The following NCAM2 variants were observed in gnomAD, a reference collection of about 807,000 sequenced individuals.
NCAM2 encodes the protein neural cell adhesion molecule 2.
NCAM2 carries 30 observed loss-of-function variants against 98.1 expected under a neutral mutation model. The ratio of observed to expected loss-of-function variants is 0.31; its 90% CI spans 0.23 to 0.41. The LOEUF (loss-of-function observed/expected upper bound fraction) is 0.41, where lower values mean the gene tolerates loss of function less well. NCAM2 is among the 10% of genes least tolerant of loss of function. The pLI, the probability that NCAM2 is intolerant of heterozygous loss-of-function variation, is 1.00. For synonymous variants in NCAM2, 368 were observed against 342.4 expected (o/e 1.07, Z -0.83); for missense variants, 867 against 1,005.8 (o/e 0.86, Z 1.87).
At chr21:21,453,484 A>G (rs1243363127) in intron 12 of NCAM2, among the ~76,000 whole-genome samples, 1 of 152,098 alleles carries the variant, frequency 6.6e-6, no homozygotes, top group African/African-American at 2.4e-5. Context: ...AAGACTTTGC[A>G]TTTTATTCTT....
intron 1 of NCAM2, among the ~76,000 whole-genome samples, chr21:21,053,077 CAATT>C (rs1185000257): frequency 5.3e-5 from 8 of 151,592 alleles, no homozygotes; most frequent in East Asian, 3.9e-4. Context: ...AAAGCAAAAA[CAATT>C]AATTGCTGGT....
At chr21:21,105,423 G>C (rs1252303416) in intron 1 of NCAM2, among the ~76,000 whole-genome samples, 1 of 152,090 alleles carries the variant, frequency 6.6e-6, no homozygotes, top group Non-Finnish European at 1.5e-5. Context: ...ATGAGACATT[G>C]ATTAGAGTAG....
intron 8 of NCAM2, among the ~76,000 whole-genome samples, chr21:21,363,426 ATAC>A (rs2075699105): frequency 6.6e-6 from 1 of 152,154 alleles, no homozygotes; most frequent in Admixed American, 6.6e-5. Flanking sequence ...TGTACTATAA[ATAC>A]TCAACACTTT....
At chr21:21,275,393 T>TCA (rs2072689518) in intron 1 of NCAM2, among the ~76,000 whole-genome samples, 2 of 151,566 alleles carry the variant, frequency 1.3e-5, no homozygotes, top group South Asian at 4.2e-4. Context: ...TGAGCTGAGA[T>TCA]CATGCCACTG....
intron 1 of NCAM2, among the ~76,000 whole-genome samples, chr21:21,069,166 C>T (rs1056206507): frequency 6.6e-6 from 1 of 152,020 alleles, no homozygotes; most frequent in Non-Finnish European, 1.5e-5. Context: ...TGTTATGTCC[C>T]CATGTAAAAA....
intron 9 of NCAM2, among the ~76,000 whole-genome samples, chr21:21,375,660 G>A (rs1008379809): frequency 1.3e-5 from 2 of 150,050 alleles, no homozygotes; most frequent in South Asian, 4.2e-4. Flanking sequence ...CAGTACATTT[G>A]TTATATTTTT....
At chr21:21,479,482 G>A (rs1985585407) in intron 15 of NCAM2, among the ~76,000 whole-genome samples, 1 of 150,414 alleles carries the variant, frequency 6.6e-6, no homozygotes, top group Admixed American at 6.7e-5. Context: ...TACTCTAGAG[G>A]TTGAGACAGG....
At chr21:21,535,013 A>G (rs1012706218) in intron 17 of NCAM2, among the ~76,000 whole-genome samples, 4 of 152,170 alleles carry the variant, frequency 2.6e-5, no homozygotes, top group Non-Finnish European at 4.4e-5. Context: ...AAATAAGGAC[A>G]TGTTAGGAAA....
At chr21:21,110,590 G>A (rs1352949336) in intron 1 of NCAM2, among the ~76,000 whole-genome samples, 2 of 150,400 alleles carry the variant, frequency 1.3e-5, no homozygotes, top group Non-Finnish European at 3.0e-5. Context: ...ACTCATACAA[G>A]GCATTCCCTG....
chr21:21,481,537 T>C (rs1602468684), intron 15 of NCAM2, among the ~76,000 whole-genome samples: 1 of 152,278 alleles, frequency 6.6e-6, no homozygotes, highest in Non-Finnish European at 1.5e-5. Context: ...TTAGGGAGTT[T>C]AGACTCCATA....
intron 16 of NCAM2, 66 bp from the exon 17 acceptor site, chr21:21,534,471 T>A: frequency 1.5e-6 from 2 of 1,318,192 alleles, no homozygotes; most frequent in Non-Finnish European, 2.0e-6. Context: ...TTTTAAACTC[T>A]GTTTTTTTCC....
chr21:21,102,517 C>T (rs2066264221), intron 1 of NCAM2, among the ~76,000 whole-genome samples: 2 of 151,874 alleles, frequency 1.3e-5, no homozygotes, highest in Admixed American at 1.3e-4. Context: ...TGGCACTTAA[C>T]TAATAACTCA....
chr21:21,424,804 G>A (rs1021768582), intron 11 of NCAM2, among the ~76,000 whole-genome samples: 2 of 151,920 alleles, frequency 1.3e-5, no homozygotes, highest in Non-Finnish European at 2.9e-5. Flanking sequence ...AGCCGAGGCG[G>A]GTGGATCATC....
intron 15 of NCAM2, among the ~76,000 whole-genome samples, chr21:21,492,250 T>G (rs1986901864): frequency 6.6e-6 from 1 of 151,816 alleles, no homozygotes; most frequent in African/African-American, 2.4e-5. Flanking sequence ...AAATCAAAGT[T>G]GGTACAAGTA....
intron 1 of NCAM2, among the ~76,000 whole-genome samples, chr21:21,144,113 G>T (rs1040313054): frequency 6.6e-6 from 1 of 152,036 alleles, no homozygotes; most frequent in Non-Finnish European, 1.5e-5. Context: ...ACTTTGGGAG[G>T]CCGAGGTGGG....
At chr21:21,461,214 A>G (rs970215057) in intron 12 of NCAM2, among the ~76,000 whole-genome samples, 29 of 151,946 alleles carry the variant, frequency 1.9e-4, no homozygotes, top group African/African-American at 6.8e-4. Flanking sequence ...AAGAAGTATT[A>G]TATTTGAAAT....
At chr21:21,014,956 G>A (rs1443959108) in intron 1 of NCAM2, among the ~76,000 whole-genome samples, 1 of 152,166 alleles carries the variant, frequency 6.6e-6, no homozygotes, top group Non-Finnish European at 1.5e-5. Flanking sequence ...CAAGACTTCG[G>A]CAGAAGTAGT....
chr21:21,209,390 A>G (rs1195405846), intron 1 of NCAM2, among the ~76,000 whole-genome samples: 3 of 152,082 alleles, frequency 2.0e-5, no homozygotes, highest in Non-Finnish European at 4.4e-5. Context: ...TAATTTATTT[A>G]TTTTTATTTT....
chr21:21,343,287 C>A (rs62207724), intron 8 of NCAM2, among the ~76,000 whole-genome samples: 10,711 of 151,002 alleles, frequency 0.071, 691 homozygotes, highest in East Asian at 0.31. Flanking sequence ...AGCAAAATGG[C>A]AGAATAGAAG....
Sources: gnomAD v4.1 joint callset for allele counts (sites outside exome capture counted in the v4.1 genomes callset) on GRCh38, gnomAD v4.1.1 for gene constraint, MANE v1.5 for transcripts, NCBI Gene and HGNC (gene_info 2026-07-23, HGNC 2026-07-21) for gene names.